Variants in MAD1L1 observed in about 807,000 individuals in gnomAD.
MAD1L1 encodes the protein mitotic spindle assembly checkpoint protein MAD1.
Under a neutral mutation model 96.9 loss-of-function variants are expected in MAD1L1, and 95 were observed. That is an observed-to-expected ratio of 0.98 (90% CI 0.83 to 1.16). MAD1L1 has a LOEUF of 1.16. Ranked by LOEUF, MAD1L1 falls within the 50% of genes most tolerant of loss-of-function variation. MAD1L1 has a pLI of 0.00. For synonymous variants in MAD1L1, 473 were observed against 396.6 expected, an observed-to-expected ratio of 1.19 and a Z score of -2.29; for missense variants, 1,007 against 954.4, an observed-to-expected ratio of 1.06 and a Z score of -0.73.
At chr7:1,843,587 G>A (rs964646867) in intron 18 of MAD1L1, among the ~76,000 whole-genome samples, 14 of 152,220 alleles carry the variant, frequency 9.2e-5, no homozygotes, top group Non-Finnish European at 1.8e-4. Flanking sequence ...ATTTTAAGAT[G>A]CAATTAAAAC....
intron 17 of MAD1L1, among the ~76,000 whole-genome samples, chr7:1,915,871 A>T (rs1350774808): frequency 6.6e-6 from 1 of 152,230 alleles, no homozygotes; most frequent in Non-Finnish European, 1.5e-5. Flanking sequence ...TTCTTGGGAC[A>T]AAGCACTACC....
At chr7:2,161,569 G>C (rs1204394082) in intron 10 of MAD1L1, among the ~76,000 whole-genome samples, 1 of 150,556 alleles carries the variant, frequency 6.6e-6, no homozygotes. Context: ...GCCGCCCATC[G>C]TGTGGGATGT....
chr7:2,193,096 C>G (rs1181146183), intron 10 of MAD1L1, among the ~76,000 whole-genome samples: 1 of 152,188 alleles, frequency 6.6e-6, no homozygotes, highest in African/African-American at 2.4e-5. Flanking sequence ...GCTCAGCACT[C>G]GTGGAGGAGG....
chr7:1,835,735 G>C (rs944623185), intron 18 of MAD1L1, among the ~76,000 whole-genome samples: 16 of 152,166 alleles, frequency 1.1e-4, no homozygotes, highest in Non-Finnish European at 2.2e-4. Context: ...AGAAACAGAA[G>C]AATGGCTACT....
intron 15 of MAD1L1, among the ~76,000 whole-genome samples, chr7:1,975,632 C>G (rs1434444963): frequency 2.0e-5 from 3 of 152,178 alleles, no homozygotes; most frequent in Non-Finnish European, 4.4e-5. Context: ...ATAATTTCTA[C>G]AAAAGAACAT....
intron 11 of MAD1L1, among the ~76,000 whole-genome samples, chr7:2,073,123 G>A (rs545903588): frequency 6.6e-4 from 100 of 152,316 alleles, no homozygotes; most frequent in African/African-American, 2.2e-3. Flanking sequence ...GAGGCAGGAC[G>A]GCAGGCACCG....
At chr7:1,915,745 C>T (rs751406201) in intron 17 of MAD1L1, among the ~76,000 whole-genome samples, 38 of 152,334 alleles carry the variant, frequency 2.5e-4, no homozygotes, top group Non-Finnish European at 4.1e-4. Flanking sequence ...GGGGCCAAAA[C>T]GACCCAATGT....
chr7:1,856,442 A>G (rs1407380248), intron 18 of MAD1L1, among the ~76,000 whole-genome samples: 1 of 152,196 alleles, frequency 6.6e-6, no homozygotes, highest in African/African-American at 2.4e-5. Flanking sequence ...GGGGGATGGG[A>G]AGGGGGAACC....
chr7:1,993,352 C>T (rs1193668180), intron 14 of MAD1L1, among the ~76,000 whole-genome samples: 1 of 152,208 alleles, frequency 6.6e-6, no homozygotes, highest in Non-Finnish European at 1.5e-5. Context: ...CATGTCAGTC[C>T]GCAGACCAAG....
intron 12 of MAD1L1, among the ~76,000 whole-genome samples, chr7:2,034,528 T>C (rs1783379591): frequency 6.6e-6 from 1 of 152,186 alleles, no homozygotes; most frequent in Admixed American, 6.5e-5. Flanking sequence ...GAGTTTACTT[T>C]TGGTATGTCT....
intron 18 of MAD1L1, among the ~76,000 whole-genome samples, chr7:1,821,352 T>C (rs962615997): frequency 2.6e-5 from 4 of 152,122 alleles, no homozygotes; most frequent in African/African-American, 7.2e-5. Context: ...ATGGTTTCAC[T>C]AGAAAGTTTT....
chr7:2,156,070 C>T (rs536626972), intron 10 of MAD1L1, among the ~76,000 whole-genome samples: 24 of 152,362 alleles, frequency 1.6e-4, no homozygotes, highest in African/African-American at 5.0e-4. Context: ...AGGATGTGCT[C>T]GGCTCTAACC....
At chr7:1,827,511 G>GGCC (rs1782468953) in intron 18 of MAD1L1, among the ~76,000 whole-genome samples, 1 of 139,944 alleles carries the variant, frequency 7.1e-6, no homozygotes, top group African/African-American at 2.7e-5. Flanking sequence ...CGGGTGTGGG[G>GGCC]TCCTCCCCTC....
Position 2,114,338 on chromosome 7 carries a change from C to A in MAD1L1, c.1073+34814G>T, listed in dbSNP as rs115275586. On this transcript the variant is annotated intron_variant, in intron 11 of 18. Transcript: ENST00000265854. This position sits in a 1 kb window ranked among gnomAD's most constrained non-coding sequence, Gnocchi z 4.2. ...CCAGCCCACGGTCTGAGCAGGGAAC[C>A]AGGGGGCCTTCCCTACACAGAGCAC... Among the ~76,000 whole-genome samples, 1,347 of 152,302 alleles carry A rather than the reference C, an allele frequency of 8.8e-3. 21 individuals are homozygous for A. The highest frequency in any genetic ancestry group is 0.031 in the African/African-American group (1,301 of 41,552).
At chr7:2,059,526 T>C (rs1784542113) in intron 12 of MAD1L1, among the ~76,000 whole-genome samples, 1 of 124,952 alleles carries the variant, frequency 8.0e-6, no homozygotes, top group South Asian at 2.6e-4. Context: ...AAAGGGAGCA[T>C]GGCCAGGGGA....
intron 10 of MAD1L1, among the ~76,000 whole-genome samples, chr7:2,153,948 G>C (rs930381359): frequency 6.6e-6 from 1 of 152,242 alleles, no homozygotes. Context: ...AGGAGGTCAG[G>C]AGTTCGAGAC....
chr7:1,938,742 G>A (rs1241109679), intron 16 of MAD1L1, among the ~76,000 whole-genome samples: 40 of 134,006 alleles, frequency 3.0e-4, no homozygotes, highest in Middle Eastern at 4.1e-3. Context: ...CCAGAGGCGC[G>A]CACGCACACA....
intron 11 of MAD1L1, among the ~76,000 whole-genome samples, chr7:2,117,790 A>C (rs1006813561): frequency 1.3e-5 from 2 of 152,192 alleles, no homozygotes; most frequent in Non-Finnish European, 2.9e-5. Flanking sequence ...GTGAACTAAC[A>C]CAGGGGTAAG....
intron 17 of MAD1L1, among the ~76,000 whole-genome samples, chr7:1,936,040 G>A (rs575801882): frequency 6.5e-4 from 99 of 152,346 alleles, no homozygotes; most frequent in African/African-American, 2.2e-3. Context: ...CCACAGCCTC[G>A]CTGGGGGTGC....
Sources: gnomAD v4.1 joint callset for allele counts (sites outside exome capture counted in the v4.1 genomes callset) on GRCh38, gnomAD v4.1.1 for gene constraint, Gnocchi (gnomAD v3.1) non-coding constraint, MANE v1.5 for transcripts, NCBI Gene and HGNC (gene_info 2026-07-23, HGNC 2026-07-21) for gene names.